Variants in DHTKD1 observed in about 807,000 individuals in gnomAD.
DHTKD1 encodes the protein 2-oxoadipate dehydrogenase complex component E1.
DHTKD1 carries 78 observed loss-of-function variants against 101.8 expected under a neutral mutation model. That is an observed-to-expected ratio of 0.77 (90% CI 0.64 to 0.93). DHTKD1 has a LOEUF of 0.93. Ranked by LOEUF, DHTKD1 falls within the 40% of genes least tolerant of loss-of-function variation. DHTKD1 has a pLI of 0.00. For missense variants in DHTKD1, 1,223 were observed against 1,161.7 expected (o/e 1.05, Z -0.77); for synonymous variants, 462 against 450.3 (o/e 1.03, Z -0.33).
At chr10:12,105,287 T>C (rs1210805196) in intron 10 of DHTKD1, among the ~76,000 whole-genome samples, 1 of 151,740 alleles carries the variant, frequency 6.6e-6, no homozygotes, top group East Asian at 1.9e-4. Flanking sequence ...TAGGACTTTA[T>C]TTTTTAACTT....
chr10:12,079,878 A>C (rs1036676856), intron 1 of DHTKD1, among the ~76,000 whole-genome samples: 9 of 152,156 alleles, frequency 5.9e-5, no homozygotes, highest in African/African-American at 2.2e-4. Context: ...GGTTTGATTC[A>C]TTTATTTGAG....
chr10:12,115,065 G>T (rs923362715), intron 13 of DHTKD1, among the ~76,000 whole-genome samples: 1 of 150,426 alleles, frequency 6.6e-6, no homozygotes, highest in African/African-American at 2.4e-5. Context: ...AAAGTGCTGG[G>T]ATTACAGGCA....
At position 12,089,107 on chromosome 10, in the gene DHTKD1, A is replaced by G. The variant is rs748366299; in HGVS notation, c.839A>G (p.His280Arg). ...TACTTTGGGGCGCACCATCCCCTCC[A>G]TGTGACAATGTTGCCCAATCCCTCG... ...DLYFGAHHPL[H>R]VTMLPNPSHL... The change falls in exon 5 of 17, where the codon CAT (histidine) becomes CGT (arginine). Residue 280 changes from histidine to arginine, a missense_variant. His to Arg is a conservative substitution (Grantham distance 29). Transcript: ENST00000263035. 1.9e-6 allele frequency: 3 copies of G among 1,613,996 alleles called. No individual in the cohort carries two copies. In the South Asian group the frequency reaches 3.3e-5, roughly 18 times the overall value.
intron 6 of DHTKD1, among the ~76,000 whole-genome samples, chr10:12,092,443 G>A (rs1279711300): frequency 6.6e-6 from 1 of 152,144 alleles, no homozygotes; most frequent in Non-Finnish European, 1.5e-5. Context: ...CAAACTTGGA[G>A]TGCCCAGGGG....
At position 12,122,573 on chromosome 10, in the gene DHTKD1, C is replaced by T. The variant is rs1319428518; in HGVS notation, c.*1685C>T. On this transcript the variant is annotated 3_prime_UTR_variant, in exon 17 of 17. Coordinates refer to ENST00000263035, the MANE Select transcript of DHTKD1 (RefSeq NM_018706.7). ...GTGGAGGTTGCAGTGAGCTGAGATCCTGCCACTGCACTCCAGTCTGGGTGA... is the reference window on the plus strand; with the variant it reads ...GTGGAGGTTGCAGTGAGCTGAGATCTTGCCACTGCACTCCAGTCTGGGTGA... 6.6e-6 allele frequency: 1 copy of T among 151,938 alleles called. No homozygotes were observed. Among genetic ancestry groups the T allele is most frequent in the Admixed American group, 6.6e-5 (1 of 15,228 alleles). 9.4% of individuals were successfully genotyped at this position (151,938 alleles called of 1,614,324 possible).
rs1183114131 is a variant in DHTKD1, at chr10:12,087,597, T to C, written c.585T>C (p.Ala195=). 1 of 1,613,814 alleles carries C rather than the reference T, an allele frequency of 6.2e-7. No homozygotes were observed. The highest frequency in any genetic ancestry group is 2.2e-5 in the East Asian group (1 of 44,870). ...TGAAGCGATATGGAGGCGAAGGGGC[T>C]GAAAGCATGATGGGCTTTTTCCACG... ...STVKRYGGEG[A]ESMMGFFHEL... is the part of the protein sequence containing the mutation. Residue 195 remains alanine, a synonymous_variant, in exon 4 of 17, where the codon GCT becomes GCC. Transcript: ENST00000263035. The surrounding 1 kb of genome is among the most constrained non-coding windows in gnomAD (Gnocchi z 5.2).
chr10:12,112,811 C>T, intron 12 of DHTKD1, 89 bp from the exon 13 acceptor site: 1 of 1,288,434 alleles, frequency 7.8e-7, no homozygotes, highest in Non-Finnish European at 1.1e-6. Context: ...ATCAAGAACA[C>T]CTGTGTTTCC....
At chr10:12,081,708 T>A (rs1832822462) in intron 2 of DHTKD1, 81 bp downstream of exon 2, 1 of 1,533,366 alleles carries the variant, frequency 6.5e-7, no homozygotes, top group Non-Finnish European at 9.0e-7. Context: ...AGAAGCAGCA[T>A]CCCCACTGGA....
chr10:12,087,526 G>A lies in DHTKD1; in HGVS notation c.523-9G>A, dbSNP rs1316031330. 1.9e-6 allele frequency: 3 copies of A among 1,583,510 alleles called. No individual in the cohort carries two copies. Among genetic ancestry groups the A allele is most frequent in the Non-Finnish European group, 1.7e-6 (2 of 1,164,042 alleles). On this transcript the variant is annotated splice_polypyrimidine_tract_variant and intron_variant, in intron 3 of 16. Coordinates refer to ENST00000263035, the MANE Select transcript of DHTKD1 (RefSeq NM_018706.7). The surrounding 1 kb of genome is among the most constrained non-coding windows in gnomAD (Gnocchi z 5.2). ...CCTGGCAGCTCACGTCTGACATGAT[G>A]TTCTGCAGGAGTTTGACCACTTTCT...
In DHTKD1 at chr10:12,107,884, T is replaced by C; in HGVS notation, c.2048-25T>C. On this transcript the variant is annotated intron_variant, in intron 11 of 16. Transcript: ENST00000263035. This position sits in a 1 kb window ranked among gnomAD's most constrained non-coding sequence, Gnocchi z 4.1. ...CTTTGTCCCCGCTTCGTAGAGCTCTTACTCCCCACGTGGTACTTTTCCAGG... is the reference window on the plus strand; with the variant it reads ...CTTTGTCCCCGCTTCGTAGAGCTCTCACTCCCCACGTGGTACTTTTCCAGG... 2 of 1,506,362 alleles carry C rather than the reference T, an allele frequency of 1.3e-6. No individual in the cohort carries two copies. The highest frequency in any genetic ancestry group is 2.3e-5 in the South Asian group (2 of 88,676). The allele number at this position is 1,506,362 out of a possible 1,614,324, so 93.3% of individuals were successfully genotyped here.
At position 12,122,419 on chromosome 10, in the gene DHTKD1, C is replaced by A. The variant is rs749832886; in HGVS notation, c.*1531C>A. Reference sequence around the variant, plus strand: ...ATCACCTGAGGTTGGGAGTTCGAGACCAGCCTGACAAAACATAGTGAAACC... The same window carrying A: ...ATCACCTGAGGTTGGGAGTTCGAGAACAGCCTGACAAAACATAGTGAAACC... On this transcript the variant is annotated 3_prime_UTR_variant, in exon 17 of 17. Coordinates refer to ENST00000263035, the MANE Select transcript of DHTKD1 (RefSeq NM_018706.7). The A allele has an allele frequency of 5.3e-5, 8 of 152,126 alleles. No individual in the cohort carries two copies. The highest frequency in any genetic ancestry group is 8.8e-5 in the Non-Finnish European group (6 of 68,046). 9.4% of individuals were successfully genotyped at this position (152,126 alleles called of 1,614,324 possible).
At chr10:12,078,946 T>C (rs957138296) in intron 1 of DHTKD1, among the ~76,000 whole-genome samples, 4 of 152,182 alleles carry the variant, frequency 2.6e-5, no homozygotes, top group African/African-American at 7.2e-5. Context: ...TCAATATGGC[T>C]GCTGGTTTGC....
At chr10:12,069,518 C>CTTTTTTTTTTTTTTTTTTTTTTTTTTCT in intron 1 of DHTKD1, among the ~76,000 whole-genome samples, 1 of 81,552 alleles carries the variant, frequency 1.2e-5, no homozygotes, top group Non-Finnish European at 2.2e-5. Flanking sequence ...TTTTTGTTTC[C>CTTTTTTTTTTTTTTTTTTTTTTTTTTCT]TTTTTTTTTT....
chr10:12,120,180 A>G lies in DHTKD1; in HGVS notation c.2573-2A>G, dbSNP rs1588621582. 2.5e-6 allele frequency: 4 copies of G among 1,612,644 alleles called. No individual in the cohort carries two copies. The highest frequency in any genetic ancestry group is 2.5e-6 in the Non-Finnish European group (3 of 1,178,892). On this transcript the variant is annotated splice_acceptor_variant, in intron 15 of 16. Transcript: ENST00000263035. LOFTEE classifies it high-confidence loss of function. The stretch of plus-strand genomic sequence containing the variant: ...GTGCTGAAAGAATTTCTTCTCTCAT[A>G]GATCATATTTGGAGTCAGGAGGAAC...
rs1236049862 is a variant in DHTKD1 at position 12,107,102 on chromosome 10, A to C, written c.2047+706A>C. Among the ~76,000 whole-genome samples the C allele has an allele frequency of 6.6e-6, 1 of 150,948 alleles. No homozygotes were observed. Among genetic ancestry groups the C allele is most frequent in the African/African-American group, 2.4e-5 (1 of 40,958 alleles). ...TGGGTTTGCACGATTCTCCTGCCTC[A>C]GCCTCCCGAGTAGCTGGGACTACAT... On this transcript the variant is annotated intron_variant, in intron 11 of 16. Transcript: ENST00000263035. This position sits in a 1 kb window ranked among gnomAD's most constrained non-coding sequence, Gnocchi z 4.1.
At chr10:12,093,112 C>T (rs759960931) in intron 6 of DHTKD1, among the ~76,000 whole-genome samples, 1 of 150,734 alleles carries the variant, frequency 6.6e-6, no homozygotes, top group South Asian at 2.1e-4. Flanking sequence ...GGCGCCATCT[C>T]GGTTCACCAC....
At chr10:12,096,933 A>C (rs556482765) in intron 7 of DHTKD1, among the ~76,000 whole-genome samples, 1 of 152,174 alleles carries the variant, frequency 6.6e-6, no homozygotes, top group African/African-American at 2.4e-5. Context: ...TAATTGTCAG[A>C]ATTTACCAAA....
intron 7 of DHTKD1, 80 bp from the exon 8 acceptor site, chr10:12,097,604 G>A (rs1193081964): frequency 1.6e-5 from 21 of 1,278,152 alleles, no homozygotes; most frequent in African/African-American, 7.4e-5. Flanking sequence ...ACACTCCACC[G>A]CCCTTGACAG....
chr10:12,086,666 A>G (rs1832907390), intron 3 of DHTKD1, among the ~76,000 whole-genome samples: 1 of 152,070 alleles, frequency 6.6e-6, no homozygotes, highest in South Asian at 2.1e-4. Context: ...TTTTGGTAAC[A>G]GGACATACTG....
Sources: allele counts gnomAD v4.1 joint callset (sites outside exome capture counted in the v4.1 genomes callset), GRCh38; gene constraint gnomAD v4.1.1; non-coding constraint Gnocchi (gnomAD v3.1); transcripts MANE v1.5; gene names NCBI Gene and HGNC (gene_info 2026-07-23, HGNC 2026-07-21).